The following AHRR variants were observed in gnomAD, a reference collection of about 807,000 sequenced individuals.
The protein encoded by AHRR is ahR repressor.
Under a neutral mutation model 44.0 loss-of-function variants are expected in AHRR, and 28 were observed. That is an observed-to-expected ratio of 0.64 (90% CI 0.47 to 0.87). AHRR has a LOEUF of 0.87. Ranked by LOEUF, AHRR falls within the 40% of genes least tolerant of loss-of-function variation. The pLI is 0.00. For missense variants in AHRR, 990 were observed against 953.9 expected (o/e 1.04, Z -0.50); for synonymous variants, 434 against 407.0 (o/e 1.07, Z -0.80).
chr5:410,863 C>G (rs1252949400), intron 4 of AHRR, among the ~76,000 whole-genome samples: 1 of 152,134 alleles, frequency 6.6e-6, no homozygotes, highest in Non-Finnish European at 1.5e-5. Context: ...TCTTATATCA[C>G]TTTTGTTAAT....
chr5:345,784 G>T (rs1560885650), intron 2 of AHRR, among the ~76,000 whole-genome samples: 1 of 152,078 alleles, frequency 6.6e-6, no homozygotes, highest in Non-Finnish European at 1.5e-5. Flanking sequence ...TCCAAGCACT[G>T]CGGGGCCCCA....
At chr5:329,337 A>G (rs950344425) in intron 1 of AHRR, among the ~76,000 whole-genome samples, 3 of 152,046 alleles carry the variant, frequency 2.0e-5, no homozygotes, top group Non-Finnish European at 4.4e-5. Flanking sequence ...TAACTGGACT[A>G]TGGGTGTGTG....
intron 5 of AHRR, among the ~76,000 whole-genome samples, chr5:415,947 T>A (rs1429641472): frequency 6.6e-6 from 1 of 152,214 alleles, no homozygotes; most frequent in Non-Finnish European, 1.5e-5. Context: ...CGCCTCTAAG[T>A]TCAATCTCCT....
At chr5:366,643 T>G (rs1205907292) in intron 3 of AHRR, among the ~76,000 whole-genome samples, 1 of 152,122 alleles carries the variant, frequency 6.6e-6, no homozygotes, top group African/African-American at 2.4e-5. Flanking sequence ...AAATATCTAT[T>G]AATTATGAAG....
At chr5:348,777 A>C (rs1229337793) in intron 2 of AHRR, among the ~76,000 whole-genome samples, 2 of 152,216 alleles carry the variant, frequency 1.3e-5, no homozygotes. Context: ...TCTCTGTTTT[A>C]GACTGTTACA....
At chr5:418,103 A>G (rs1052453011) in intron 5 of AHRR, among the ~76,000 whole-genome samples, 16 of 152,264 alleles carry the variant, frequency 1.1e-4, no homozygotes, top group African/African-American at 3.9e-4. Flanking sequence ...AAGCTTTTGC[A>G]CAAAAAGGTA....
In AHRR at chr5:404,099, G is replaced by C. The variant is rs1560910613; in HGVS notation, c.352-9245G>C. ...GAAGAAAAAGTCAGTTCCGTTGTCA[G>C]GGTTGGTCCAGGTTTGGGGTTACCC... On this transcript the variant is annotated intron_variant, in intron 4 of 10. Transcript: ENST00000684583. This position sits in a 1 kb window ranked among gnomAD's most constrained non-coding sequence, Gnocchi z 4.1. The C allele has an allele frequency of 8.2e-6, 5 of 607,626 alleles. No homozygotes were observed. Among genetic ancestry groups the C allele is most frequent in the South Asian group, 7.8e-5 (5 of 63,912 alleles). 37.6% of individuals were successfully genotyped at this position (607,626 alleles called of 1,614,324 possible).
chr5:372,842 C>G (rs951980433), intron 3 of AHRR, among the ~76,000 whole-genome samples: 2 of 152,144 alleles, frequency 1.3e-5, no homozygotes, highest in Non-Finnish European at 2.9e-5. Flanking sequence ...CCCAGGTGCT[C>G]GTGGTGGGGG....
chr5:372,814 G>A (rs545417074), intron 3 of AHRR, among the ~76,000 whole-genome samples: 177 of 152,332 alleles, frequency 1.2e-3, no homozygotes, highest in African/African-American at 4.1e-3. Flanking sequence ...GGGACTGTGG[G>A]TCAGACCGAG....
Position 405,683 on chromosome 5 carries a change from T to C in AHRR, c.352-7661T>C, listed in dbSNP as rs1735224910. Among the ~76,000 whole-genome samples the C allele has an allele frequency of 6.6e-6, 1 of 152,250 alleles. No homozygotes were observed. The highest frequency in any genetic ancestry group is 1.5e-5 in the Non-Finnish European group (1 of 68,040). ...TCGCCGGCACCTGACCCAGCAGCCT[T>C]GTCCCACCGCCTGCGACCACCAGCT... On this transcript the variant is annotated intron_variant, in intron 4 of 10. Coordinates refer to ENST00000684583, the MANE Select transcript of AHRR (RefSeq NM_001377236.1). The surrounding 1 kb of genome is among the most constrained non-coding windows in gnomAD (Gnocchi z 4.5).
chr5:391,185 A>G (rs1229856917), intron 4 of AHRR, among the ~76,000 whole-genome samples: 1 of 152,230 alleles, frequency 6.6e-6, no homozygotes, highest in Non-Finnish European at 1.5e-5. Flanking sequence ...CAAAGATGCA[A>G]GCAACTCCAG....
intron 4 of AHRR, among the ~76,000 whole-genome samples, chr5:408,603 A>G (rs756713274): frequency 6.6e-6 from 1 of 152,182 alleles, no homozygotes; most frequent in African/African-American, 2.4e-5. Context: ...TTCATTTAGC[A>G]CATTTGCATC....
intron 5 of AHRR, chr5:421,186 G>C (rs1028315069): frequency 5.4e-5 from 34 of 631,206 alleles, no homozygotes; most frequent in Admixed American, 4.0e-4. Context: ...GGCTGGTGCC[G>C]GGCAGGAGGC....
At chr5:376,523 G>T (rs1291782892) in intron 3 of AHRR, 87 bp from the exon 4 acceptor site, 5 of 1,407,446 alleles carry the variant, frequency 3.6e-6, no homozygotes, top group Non-Finnish European at 4.8e-6. Context: ...TGGGGTGAAC[G>T]CGGGGAAACA....
rs1742943656 is a variant in AHRR, at chr5:353,768, A to G, written c.101A>G (p.Lys34Arg). The stretch of plus-strand genomic sequence containing the variant: ...GGGGCAGAGAAGTCCAACCCCTCCA[A>G]GCGACACCGGGACCGCCTCAACGCC... ...AVGAEKSNPSKRHRDRLNAEL... is the reference protein window; with the variant it reads ...AVGAEKSNPSRRHRDRLNAEL... The change falls in exon 3 of 11, where the codon AAG (lysine) becomes AGG (arginine). Residue 34 changes from lysine to arginine, a missense_variant. Transcript: ENST00000684583. 1 of 1,612,994 alleles carries G rather than the reference A, an allele frequency of 6.2e-7. No homozygotes were observed. Among genetic ancestry groups the G allele is most frequent in the East Asian group, 2.2e-5 (1 of 44,846 alleles).
chr5:421,178 C>T, intron 5 of AHRR: 1 of 601,296 alleles, frequency 1.7e-6, no homozygotes, highest in African/African-American at 2.0e-5. Context: ...TGGCGCCCGG[C>T]TGGTGCCGGG....
chr5:331,833 A>G (rs1741922669), intron 1 of AHRR, among the ~76,000 whole-genome samples: 1 of 152,188 alleles, frequency 6.6e-6, no homozygotes, highest in Non-Finnish European at 1.5e-5. Context: ...TCTAATGCCT[A>G]ATAATCTGAG....
intron 7 of AHRR, among the ~76,000 whole-genome samples, chr5:424,671 C>T (rs1736306387): frequency 6.6e-6 from 1 of 152,198 alleles, no homozygotes; most frequent in Non-Finnish European, 1.5e-5. Flanking sequence ...ATGTGCCCCA[C>T]ATCTGCCAAG....
intron 5 of AHRR, among the ~76,000 whole-genome samples, chr5:420,219 A>G (rs1736007942): frequency 6.6e-6 from 1 of 152,244 alleles, no homozygotes; most frequent in South Asian, 2.1e-4. Flanking sequence ...GCTACTTGGT[A>G]AGAGAGCTGT....
Sources: allele counts gnomAD v4.1 joint callset (sites outside exome capture counted in the v4.1 genomes callset), GRCh38; gene constraint gnomAD v4.1.1; non-coding constraint Gnocchi (gnomAD v3.1); transcripts MANE v1.5; gene names NCBI Gene and HGNC (gene_info 2026-07-23, HGNC 2026-07-21).